Variants in HPSE2 observed in about 807,000 individuals in gnomAD.
HPSE2 encodes the protein heparanase 2 (inactive).
HPSE2 carries 38 observed loss-of-function variants against 60.5 expected under a neutral mutation model. That is an observed-to-expected ratio of 0.63 (90% CI 0.48 to 0.82). The LOEUF (loss-of-function observed/expected upper bound fraction) is 0.82, where lower values mean the gene tolerates loss of function less well. Ranked by LOEUF, HPSE2 falls within the 40% of genes least tolerant of loss-of-function variation. HPSE2 has a pLI of 0.00. For missense variants in HPSE2, 713 were observed against 740.4 expected (o/e 0.96, Z 0.43); for synonymous variants, 295 against 293.2 (o/e 1.01, Z -0.06).
intron 3 of HPSE2, among the ~76,000 whole-genome samples, chr10:98,933,536 TA>T (rs1184752438): frequency 7.0e-6 from 1 of 143,612 alleles, no homozygotes; most frequent in Non-Finnish European, 1.5e-5. Context: ...ATGATCTGTC[TA>T]ACACTGCCAG....
At chr10:98,698,408 T>C (rs1449156490) in intron 5 of HPSE2, among the ~76,000 whole-genome samples, 1 of 150,914 alleles carries the variant, frequency 6.6e-6, no homozygotes, top group Non-Finnish European at 1.5e-5. Context: ...CATAACGAAA[T>C]GAAGGCAGAA....
At chr10:98,861,473 G>C (rs192821594) in intron 3 of HPSE2, among the ~76,000 whole-genome samples, 2 of 152,214 alleles carry the variant, frequency 1.3e-5, no homozygotes, top group East Asian at 1.9e-4. Flanking sequence ...CCACCTCCAA[G>C]GGACCCCTAG....
At chr10:99,169,016 C>A (rs1294666645) in intron 2 of HPSE2, among the ~76,000 whole-genome samples, 1 of 149,178 alleles carries the variant, frequency 6.7e-6, no homozygotes, top group African/African-American at 2.5e-5. Flanking sequence ...ATGGTGAAAC[C>A]CCATCTCAAC....
At position 98,702,646 on chromosome 10, in the gene HPSE2, C is replaced by T. The variant is rs551656244; in HGVS notation, c.957-8699G>A. Among the ~76,000 whole-genome samples, 22 of 152,304 alleles carry T rather than the reference C, an allele frequency of 1.4e-4. No homozygotes were observed. The South Asian group carries it at 4.1e-3, about 29-fold the overall frequency. The stretch of plus-strand genomic sequence containing the variant: ...TTAAGAAACTCACTCAGAAATCACA[C>T]AACCACTTGGAATTTGAACAACCTG... On this transcript the variant is annotated intron_variant, in intron 5 of 11. Coordinates refer to ENST00000370552, the MANE Select transcript of HPSE2 (RefSeq NM_021828.5).
chr10:99,084,684 C>CA (rs993541218), intron 3 of HPSE2, among the ~76,000 whole-genome samples: 16 of 151,950 alleles, frequency 1.1e-4, no homozygotes, highest in African/African-American at 2.7e-4. Flanking sequence ...AAGGCAAAAA[C>CA]AAAAAAACAA....
At chr10:99,078,482 T>C (rs910772340) in intron 3 of HPSE2, among the ~76,000 whole-genome samples, 1 of 152,252 alleles carries the variant, frequency 6.6e-6, no homozygotes, top group Non-Finnish European at 1.5e-5. Context: ...ACAGTTGTTA[T>C]ATTATTTAGG....
At chr10:98,542,326 G>A (rs1943499391) in intron 9 of HPSE2, among the ~76,000 whole-genome samples, 2 of 152,150 alleles carry the variant, frequency 1.3e-5, no homozygotes, top group African/African-American at 4.8e-5. Context: ...AAACCCATCT[G>A]TACCTCACCA....
intron 2 of HPSE2, among the ~76,000 whole-genome samples, chr10:99,169,973 G>A (rs2796755): frequency 0.86 from 130,347 of 152,178 alleles, 56,962 homozygotes; most frequent in South Asian, 0.97. Context: ...CCAAATACAA[G>A]AGCAGCCATA....
upstream of HPSE2, among the ~76,000 whole-genome samples, chr10:99,240,661 C>G (rs138969505): frequency 2.0e-3 from 301 of 152,262 alleles, 1 homozygote; most frequent in African/African-American, 6.7e-3. Context: ...ATCTGCCCGC[C>G]TCGGCTTCCA....
chr10:98,946,472 CAAA>C (rs61591255), intron 3 of HPSE2, among the ~76,000 whole-genome samples: 70 of 93,230 alleles, frequency 7.5e-4, no homozygotes, highest in East Asian at 2.2e-3. Flanking sequence ...GACCCTCACT[CAAA>C]AAAAAAAAAA....
intron 3 of HPSE2, among the ~76,000 whole-genome samples, chr10:98,880,178 AGTTTTCAGTTAGAATATTTTAGG>A (rs1481735156): frequency 1.3e-5 from 2 of 152,032 alleles, no homozygotes; most frequent in Non-Finnish European, 2.9e-5. Context: ...TTCTTAAGAC[AGTTTTCAGTTAGAATATTTTAGG>A]GTTTTGAGAA....
At chr10:99,074,495 G>T (rs1842898493) in intron 3 of HPSE2, among the ~76,000 whole-genome samples, 1 of 152,022 alleles carries the variant, frequency 6.6e-6, no homozygotes, top group Non-Finnish European at 1.5e-5. Flanking sequence ...ATGTTTATCT[G>T]GGATATTGGC....
the HPSE2 span, among the ~76,000 whole-genome samples, chr10:99,305,979 G>GCGCGCGCGCACACA: frequency 9.6e-4 from 77 of 80,578 alleles, 2 homozygotes; most frequent in African/African-American, 2.6e-3. Context: ...GCGCGCGCGC[G>GCGCGCGCGCACACA]CACACACACA....
At chr10:98,711,884 C>T (rs1444032181) in intron 5 of HPSE2, among the ~76,000 whole-genome samples, 1 of 152,032 alleles carries the variant, frequency 6.6e-6, no homozygotes, top group Non-Finnish European at 1.5e-5. Flanking sequence ...GGCTCACATC[C>T]CCACACATCT....
intron 9 of HPSE2, among the ~76,000 whole-genome samples, chr10:98,508,791 T>A (rs1942288666): frequency 6.6e-6 from 1 of 152,136 alleles, no homozygotes; most frequent in Non-Finnish European, 1.5e-5. Context: ...GTTTGGTGTG[T>A]TTGAGAATTT....
intron 3 of HPSE2, among the ~76,000 whole-genome samples, chr10:99,041,955 T>C (rs564520176): frequency 2.0e-5 from 3 of 152,330 alleles, no homozygotes; most frequent in South Asian, 4.1e-4. Flanking sequence ...TATGGTTCAC[T>C]GCTCCTCACA....
intron 3 of HPSE2, among the ~76,000 whole-genome samples, chr10:98,999,151 G>A (rs888266004): frequency 1.4e-5 from 2 of 147,108 alleles, no homozygotes; most frequent in Non-Finnish European, 3.0e-5. Context: ...AAGTGGTATA[G>A]ACTACGTGTG....
intron 2 of HPSE2, among the ~76,000 whole-genome samples, chr10:99,213,131 G>A (rs973384042): frequency 4.6e-5 from 7 of 151,854 alleles, no homozygotes; most frequent in Admixed American, 3.3e-4. Context: ...CATTATACTC[G>A]AACTAAAAGA....
At chr10:98,740,617 T>TA (rs2134316792) in intron 4 of HPSE2, among the ~76,000 whole-genome samples, 1 of 152,348 alleles carries the variant, frequency 6.6e-6, no homozygotes, top group African/African-American at 2.4e-5. Context: ...GTTAGTCACT[T>TA]AAAGTTTAGC....
Sources: allele counts gnomAD v4.1 joint callset (sites outside exome capture counted in the v4.1 genomes callset), GRCh38; gene constraint gnomAD v4.1.1; transcripts MANE v1.5; gene names NCBI Gene and HGNC (gene_info 2026-07-23, HGNC 2026-07-21).